EVA1C: variants seen among roughly 807,000 people sequenced by gnomAD.
EVA1C encodes the protein protein eva-1 homolog C.
Under a neutral mutation model 45.4 loss-of-function variants are expected in EVA1C, and 25 were observed. That is an observed-to-expected ratio of 0.55 (90% CI 0.40 to 0.77). The LOEUF is 0.77. Ranked by LOEUF, EVA1C falls within the 30% of genes least tolerant of loss-of-function variation. EVA1C has a pLI of 0.00. For synonymous variants in EVA1C, 190 were observed against 221.2 expected (o/e 0.86, Z 1.25); for missense variants, 479 against 554.8 (o/e 0.86, Z 1.37).
chr21:32,453,295 G>A lies in EVA1C; in HGVS notation c.161-17G>A, dbSNP rs550979526. 23 of 1,579,948 alleles carry A rather than the reference G, an allele frequency of 1.5e-5. No individual in the cohort carries two copies. Among genetic ancestry groups the A allele is most frequent in the Non-Finnish European group, 1.8e-5 (21 of 1,154,270 alleles). On this transcript the variant is annotated splice_polypyrimidine_tract_variant and intron_variant, in intron 1 of 7. Transcript: ENST00000300255. The stretch of plus-strand genomic sequence containing the variant: ...TGGGTTCCTGGGCCTCTAGTAACTC[G>A]ACTGAATATTTTCCAGGTTACCTAA...
intron 7 of EVA1C, among the ~76,000 whole-genome samples, chr21:32,507,492 G>A (rs548939396): frequency 6.6e-6 from 1 of 151,728 alleles, no homozygotes; most frequent in Non-Finnish European, 1.5e-5. Flanking sequence ...ATGCGTCTGT[G>A]TGCGTGTGTC....
chr21:32,448,026 T>A (rs182642745), intron 1 of EVA1C, among the ~76,000 whole-genome samples: 1 of 152,248 alleles, frequency 6.6e-6, no homozygotes, highest in East Asian at 1.9e-4. Flanking sequence ...TTTTCAACCT[T>A]TTCCGAACAA....
At chr21:32,424,879 T>C (rs1161165642) in intron 1 of EVA1C, among the ~76,000 whole-genome samples, 1 of 152,166 alleles carries the variant, frequency 6.6e-6, no homozygotes, top group African/African-American at 2.4e-5. Context: ...TGATTTCTCA[T>C]AGAGTCTCAT....
intron 4 of EVA1C, among the ~76,000 whole-genome samples, chr21:32,491,284 G>A (rs1030295924): frequency 1.3e-5 from 2 of 152,124 alleles, no homozygotes; most frequent in African/African-American, 4.8e-5. Context: ...GAAGGAGCTA[G>A]GAAGGTAGAA....
intron 1 of EVA1C, among the ~76,000 whole-genome samples, chr21:32,447,186 G>A (rs2035394868): frequency 6.6e-6 from 1 of 152,110 alleles, no homozygotes; most frequent in South Asian, 2.1e-4. Context: ...GATCACTTGA[G>A]GTCAGGAGTT....
In EVA1C at chr21:32,415,744, C is replaced by T. The variant is rs2034011926; in HGVS notation, c.160+2731C>T. 2.6e-5 allele frequency among the ~76,000 whole-genome samples: 4 copies of T among 152,274 alleles called. 1 individual carries two copies. In the South Asian group the frequency reaches 8.3e-4, roughly 32 times the overall value. On this transcript the variant is annotated intron_variant, in intron 1 of 7. Coordinates refer to ENST00000300255, the MANE Select transcript of EVA1C (RefSeq NM_058187.5). ...CCCCAAACACCGCCTTCTCTCTCAT[C>T]TCCAAAGATTTTGAGATGTCGCCAG...
intron 2 of EVA1C, among the ~76,000 whole-genome samples, chr21:32,454,353 C>G (rs2035700653): frequency 6.6e-6 from 1 of 152,216 alleles, no homozygotes; most frequent in Non-Finnish European, 1.5e-5. Flanking sequence ...CTATTTTAGG[C>G]AGCCTTTACT....
intron 1 of EVA1C, among the ~76,000 whole-genome samples, chr21:32,449,310 C>A (rs1288011383): frequency 6.6e-6 from 1 of 152,248 alleles, no homozygotes; most frequent in African/African-American, 2.4e-5. Flanking sequence ...GTGGCTCCAC[C>A]ATTGTGGTAT....
At chr21:32,431,947 T>C (rs189868645) in intron 1 of EVA1C, among the ~76,000 whole-genome samples, 1 of 152,350 alleles carries the variant, frequency 6.6e-6, no homozygotes, top group Admixed American at 6.5e-5. Flanking sequence ...ATAGTGTACA[T>C]TGGAGCAAAA....
At chr21:32,475,096 C>A (rs1008558016) in intron 4 of EVA1C, among the ~76,000 whole-genome samples, 16 of 152,274 alleles carry the variant, frequency 1.1e-4, no homozygotes, top group African/African-American at 3.4e-4. Context: ...TGTAAGGGAG[C>A]TTTGTGGTGA....
intron 3 of EVA1C, among the ~76,000 whole-genome samples, chr21:32,459,085 T>C (rs937567321): frequency 5.3e-5 from 8 of 152,148 alleles, no homozygotes; most frequent in South Asian, 2.1e-4. Flanking sequence ...ACTCACACTC[T>C]CACAGCACAT....
At chr21:32,420,524 T>C (rs573711241) in intron 1 of EVA1C, among the ~76,000 whole-genome samples, 1 of 152,136 alleles carries the variant, frequency 6.6e-6, no homozygotes, top group Admixed American at 6.5e-5. Flanking sequence ...TAGTTGGGAC[T>C]ATAGTCACAT....
At position 32,515,184 on chromosome 21, in the gene EVA1C, C is replaced by A; in HGVS notation, c.1320C>A (p.Phe440Leu). The change falls in exon 8 of 8, where the codon TTC (phenylalanine) becomes TTA (leucine). Residue 440 changes from phenylalanine (F) to leucine (L), a missense_variant. Transcript: ENST00000300255. ...DTSLPRNMGQFY is the reference protein window; with the variant it reads ...DTSLPRNMGQLY The stretch of plus-strand genomic sequence containing the variant: ...CGCTCCCAAGAAACATGGGCCAGTT[C>A]TACTGAAAACCACATGCATCTTGAT... 1 of 1,578,942 alleles carries A rather than the reference C, an allele frequency of 6.3e-7. No homozygotes were observed. Among genetic ancestry groups the A allele is most frequent in the Non-Finnish European group, 8.6e-7 (1 of 1,159,468 alleles).
chr21:32,435,864 A>C (rs1395101489), intron 1 of EVA1C, among the ~76,000 whole-genome samples: 1 of 151,948 alleles, frequency 6.6e-6, no homozygotes, highest in Non-Finnish European at 1.5e-5. Flanking sequence ...AGAAAAATTC[A>C]CATTTTAAAT....
intron 7 of EVA1C, among the ~76,000 whole-genome samples, chr21:32,505,273 T>C (rs1363374979): frequency 6.6e-5 from 10 of 152,172 alleles, no homozygotes; most frequent in Non-Finnish European, 1.3e-4. Context: ...GTGTGTGTTG[T>C]GTGGTTGATG....
At chr21:32,460,568 A>G (rs979485873) in intron 3 of EVA1C, among the ~76,000 whole-genome samples, 1 of 152,174 alleles carries the variant, frequency 6.6e-6, no homozygotes, top group African/African-American at 2.4e-5. Context: ...ATGTTCACCC[A>G]GCAGGGGCCA....
intron 1 of EVA1C, among the ~76,000 whole-genome samples, chr21:32,424,193 A>T (rs1216705617): frequency 6.6e-6 from 1 of 152,168 alleles, no homozygotes; most frequent in Non-Finnish European, 1.5e-5. Flanking sequence ...CTACCAAGTT[A>T]TCTCCTTTCT....
At chr21:32,483,513 A>C (rs2036864684) in intron 4 of EVA1C, among the ~76,000 whole-genome samples, 1 of 152,190 alleles carries the variant, frequency 6.6e-6, no homozygotes, top group Non-Finnish European at 1.5e-5. Context: ...ACTCCCAGGC[A>C]GTCAGGGGAA....
upstream of EVA1C, chr21:32,412,563 G>T (rs1407696602): frequency 1.2e-5 from 4 of 328,292 alleles, no homozygotes; most frequent in African/African-American, 4.3e-5. Flanking sequence ...CTTTCCCTAC[G>T]GCCCCCCTCG....
Sources: allele counts gnomAD v4.1 joint callset (sites outside exome capture counted in the v4.1 genomes callset), GRCh38; gene constraint gnomAD v4.1.1; transcripts MANE v1.5; gene names NCBI Gene and HGNC (gene_info 2026-07-23, HGNC 2026-07-21).